Variants in TRANK1 observed in about 807,000 individuals in gnomAD.
The protein encoded by TRANK1 is TPR and ankyrin repeat-containing protein 1.
Under a neutral mutation model 266.0 loss-of-function variants are expected in TRANK1, and 198 were observed. The ratio of observed to expected loss-of-function variants is 0.74; its 90% CI spans 0.66 to 0.84. The LOEUF (loss-of-function observed/expected upper bound fraction) is 0.84, where lower values mean the gene tolerates loss of function less well. TRANK1 is among the 40% of genes least tolerant of loss of function. The probability of loss-of-function intolerance (pLI) is 0.00; values close to 1 mark genes in which losing one functional copy is unlikely to be tolerated. For missense variants in TRANK1, 3,326 were observed against 3,634.6 expected (o/e 0.92, Z 2.18); for synonymous variants, 1,396 against 1,384.1 (o/e 1.01, Z -0.19).
chr3:36,892,872 G>GAT (rs71635814), intron 6 of TRANK1, 29 bp downstream of exon 6: 6 of 598,838 alleles, frequency 1.0e-5, no homozygotes, highest in Non-Finnish European at 4.7e-6. Flanking sequence ...TATATATATA[G>GAT]ATATATATAG....
chr3:36,887,307 T>C (rs2079621696), intron 8 of TRANK1, among the ~76,000 whole-genome samples: 1 of 152,196 alleles, frequency 6.6e-6, no homozygotes, highest in Non-Finnish European at 1.5e-5. Flanking sequence ...TGTTGCAAGC[T>C]GGTTGATAAA....
At position 36,828,230 on chromosome 3, in the gene TRANK1, G is replaced by A; in HGVS notation, c.*45C>T. The A allele has an allele frequency of 4.2e-6, 6 of 1,433,514 alleles. No individual in the cohort carries two copies. The highest frequency in any genetic ancestry group is 5.8e-6 in the Non-Finnish European group (6 of 1,027,652). The allele number at this position is 1,433,514 out of a possible 1,614,324, so 88.8% of individuals were successfully genotyped here. A position where few individuals can be genotyped will look rare whatever the true frequency, so the allele number is the denominator to read the frequency against. On this transcript the variant is annotated 3_prime_UTR_variant, in exon 24 of 24. Transcript: ENST00000645898. ...CCCCAGCGCTCAGAATTCTAAGTCA[G>A]AATGGAATGTTCCGAAGGATGAGGA...
intron 13 of TRANK1, among the ~76,000 whole-genome samples, chr3:36,853,451 T>C (rs1435107300): frequency 6.6e-6 from 1 of 152,250 alleles, no homozygotes; most frequent in East Asian, 1.9e-4. Context: ...ATTAAAAGTA[T>C]ATAATATAAA....
chr3:36,850,443 C>A (rs1000004131), intron 15 of TRANK1: 1 of 985,374 alleles, frequency 1.0e-6, no homozygotes, highest in Non-Finnish European at 1.2e-6. Context: ...ATCTACATTA[C>A]GACTATGAGA....
Position 36,833,821 on chromosome 3 carries a change from G to T in TRANK1, c.5762C>A (p.Ala1921Glu), listed in dbSNP as rs2078731914. ...AGCCATCATTTCCTTCATCTTATTT[G>T]CACTCAGATACTTTGCTGCAGCTTC... is the stretch of plus-strand genomic sequence containing the variant. ...YLEAAAKYLS[A>E]NKMKEMMAVL... is the part of the protein sequence containing the mutation. The change falls in exon 22 of 24, where the codon GCA becomes GAA. Residue 1921 changes from alanine (A) to glutamate (E), a missense_variant. By Grantham distance (107) the Ala-to-Glu change is moderately radical. Coordinates refer to ENST00000645898, the MANE Select transcript of TRANK1 (RefSeq NM_001329998.2). 1.9e-6 allele frequency: 3 copies of T among 1,613,944 alleles called. No individual in the cohort carries two copies. Among genetic ancestry groups the T allele is most frequent in the Non-Finnish European group, 2.5e-6 (3 of 1,179,892 alleles).
intron 8 of TRANK1, among the ~76,000 whole-genome samples, chr3:36,878,042 C>CCAACTGTGGA (rs1559446869): frequency 6.6e-6 from 1 of 151,724 alleles, no homozygotes; most frequent in African/African-American, 2.4e-5. Flanking sequence ...CCCCAACCCC[C>CCAACTGTGGA]CAGGTGCTGG....
intron 18 of TRANK1, among the ~76,000 whole-genome samples, chr3:36,842,275 G>T (rs1380439876): frequency 6.6e-6 from 1 of 152,216 alleles, no homozygotes; most frequent in Admixed American, 6.5e-5. Context: ...ATCTTTTACT[G>T]CTTTAAAATG....
chr3:36,850,569 G>A, intron 15 of TRANK1: 1 of 895,804 alleles, frequency 1.1e-6, no homozygotes, highest in Non-Finnish European at 1.3e-6. Context: ...AGGAGTTTGA[G>A]ACCAGCCTGG....
At chr3:36,895,578 TGGAAA>T (rs2079777160) in intron 5 of TRANK1, 57 bp downstream of exon 5, 2 of 1,033,120 alleles carry the variant, frequency 1.9e-6, no homozygotes, top group Admixed American at 6.6e-5. Context: ...TCAATGCCAA[TGGAAA>T]GGAATCATTT....
intron 1 of TRANK1, among the ~76,000 whole-genome samples, chr3:36,938,283 G>A (rs1403885779): frequency 1.3e-5 from 2 of 151,964 alleles, no homozygotes; most frequent in African/African-American, 4.8e-5. Flanking sequence ...CAGTGGCCTG[G>A]TCTCGGCTCA....
chr3:36,873,859 A>G (rs1216098591), intron 9 of TRANK1, among the ~76,000 whole-genome samples: 4 of 80,824 alleles, frequency 4.9e-5, no homozygotes, highest in Non-Finnish European at 1.2e-4. Flanking sequence ...ATGCATGGGA[A>G]AAAAAAAAAA....
chr3:36,839,883 T>G (rs1380303765), intron 18 of TRANK1, among the ~76,000 whole-genome samples: 2 of 152,192 alleles, frequency 1.3e-5, no homozygotes, highest in African/African-American at 4.8e-5. Context: ...AATGAATGAA[T>G]CTTCTGTGGT....
Position 36,856,191 on chromosome 3 carries a change from T to C in TRANK1, c.3531A>G (p.Glu1177=). Residue 1177 remains glutamate, a synonymous_variant, in exon 13 of 24, where the codon GAA becomes GAG. Coordinates refer to ENST00000645898, the MANE Select transcript of TRANK1 (RefSeq NM_001329998.2). ...GGTGGGGATGTTCTGGTGCACATAC[T>C]TCTGCAGCTTGGCCGTCCCCTGCTG... ...VEPAGDGQAA[E]VCAPEHPHQL... 1.9e-6 allele frequency: 3 copies of C among 1,613,988 alleles called. No individual in the cohort carries two copies. The highest frequency in any genetic ancestry group is 2.5e-6 in the Non-Finnish European group (3 of 1,179,882).
Position 36,857,172 on chromosome 3 carries a change from T to C in TRANK1, c.2550A>G (p.Val850=), listed in dbSNP as rs1009090159. The C allele has an allele frequency of 6.2e-7, 1 of 1,613,988 alleles. No individual in the cohort carries two copies. Among genetic ancestry groups the C allele is most frequent in the Non-Finnish European group, 8.5e-7 (1 of 1,179,896 alleles). Residue 850 remains valine (V), a synonymous_variant, in exon 13 of 24, where the codon GTA becomes GTG. Transcript: ENST00000645898. This position sits in a 1 kb window ranked among gnomAD's most constrained non-coding sequence, Gnocchi z 4.3. ...SEMLKKLSSK[V]MTKVIKKKII... ...TTTTCTTCTTGATGACCTTGGTCAT[T>C]ACCTTACTAGACAGCTTCTTCAGCA...
intron 11 of TRANK1, among the ~76,000 whole-genome samples, chr3:36,860,133 G>A (rs2079120929): frequency 6.6e-6 from 1 of 152,140 alleles, no homozygotes; most frequent in Non-Finnish European, 1.5e-5. Flanking sequence ...CACGAAGCAA[G>A]CAGAGAACTA....
Position 36,831,717 on chromosome 3 carries a change from G to C in TRANK1, c.7866C>G (p.Val2622=). ...GTGCCTCAGCCACAGACTTCACATT[G>C]ACTGCCACCAAGACCCGCTTCACCA... is the stretch of plus-strand genomic sequence containing the variant. ...LKVVKRVLVA[V]NVKSVAEALQ... is the part of the protein sequence containing the mutation. Residue 2622 remains valine, a synonymous_variant, in exon 22 of 24, where the codon GTC becomes GTG. Coordinates refer to ENST00000645898, the MANE Select transcript of TRANK1 (RefSeq NM_001329998.2). The surrounding 1 kb of genome is among the most constrained non-coding windows in gnomAD (Gnocchi z 5.0). The C allele has an allele frequency of 6.2e-7, 1 of 1,613,914 alleles. No homozygotes were observed. Among genetic ancestry groups the C allele is most frequent in the Non-Finnish European group, 8.5e-7 (1 of 1,179,886 alleles).
intron 4 of TRANK1, among the ~76,000 whole-genome samples, chr3:36,898,849 C>CAAAA (rs57126220): frequency 1.9e-4 from 21 of 112,922 alleles, no homozygotes; most frequent in Admixed American, 6.3e-4. Context: ...GACTCTGTCT[C>CAAAA]AAAAAAAAAA....
chr3:36,848,338 A>G (rs2078942434), intron 15 of TRANK1, among the ~76,000 whole-genome samples: 1 of 152,210 alleles, frequency 6.6e-6, no homozygotes, highest in South Asian at 2.1e-4. Context: ...AAACTCCGGT[A>G]GTCTGGATTT....
chr3:36,868,550 A>G (rs2079260894), intron 9 of TRANK1, among the ~76,000 whole-genome samples: 2 of 152,298 alleles, frequency 1.3e-5, no homozygotes, highest in South Asian at 2.1e-4. Context: ...TATTACATAC[A>G]TTTTTATCAA....
Sources: allele counts gnomAD v4.1 joint callset (sites outside exome capture counted in the v4.1 genomes callset), GRCh38; gene constraint gnomAD v4.1.1; non-coding constraint Gnocchi (gnomAD v3.1); transcripts MANE v1.5; gene names NCBI Gene and HGNC (gene_info 2026-07-23, HGNC 2026-07-21).